The following PCDH11X variants were observed in gnomAD, a reference collection of about 807,000 sequenced individuals.
PCDH11X encodes the protein protocadherin 11 X-linked.
PCDH11X carries 18 observed loss-of-function variants against 53.3 expected under a neutral mutation model. The ratio of observed to expected loss-of-function variants is 0.34; its 90% CI spans 0.23 to 0.50. The LOEUF is 0.50. PCDH11X is among the 20% of genes least tolerant of loss of function. The pLI, the probability that PCDH11X is intolerant of heterozygous loss-of-function variation, is 0.98. For missense variants in PCDH11X, 570 were observed against 1,032.4 expected, an observed-to-expected ratio of 0.55 and a Z score of 6.14; for synonymous variants, 279 against 393.3, an observed-to-expected ratio of 0.71 and a Z score of 3.44.
intron 1 of PCDH11X, among the ~76,000 whole-genome samples, chrX:91,789,120 T>C (rs1935436295): frequency 1.0e-5 from 1 of 98,072 alleles, no homozygotes; most frequent in African/African-American, 3.9e-5. Flanking sequence ...GAGAATCCCT[T>C]GAACCCGCGA....
chrX:92,151,765 C>G (rs2065439694), intron 6 of PCDH11X, among the ~76,000 whole-genome samples: 1 of 111,029 alleles, frequency 9.0e-6, no homozygotes, highest in Admixed American at 9.6e-5. Flanking sequence ...TCATTATGAA[C>G]AAAGCTTAGA....
At chrX:92,411,096 T>C (rs1456428159) in intron 9 of PCDH11X, among the ~76,000 whole-genome samples, 1 of 107,965 alleles carries the variant, frequency 9.3e-6, no homozygotes, top group Non-Finnish European at 1.9e-5. Flanking sequence ...TTGTTTTGTA[T>C]CACCAGTTTT....
chrX:91,884,990 T>C (rs1940130371), intron 6 of PCDH11X, among the ~76,000 whole-genome samples: 2 of 109,742 alleles, frequency 1.8e-5, no homozygotes, highest in Non-Finnish European at 3.8e-5. Flanking sequence ...ATTTAATATA[T>C]AGGTAATATT....
At chrX:92,290,515 T>C (rs1603256991) in intron 8 of PCDH11X, among the ~76,000 whole-genome samples, 2 of 112,542 alleles carry the variant, frequency 1.8e-5, no homozygotes, top group East Asian at 5.6e-4. Context: ...TAGAAACATA[T>C]CAGCGTGTTG....
chrX:92,408,510 C>T (rs1477256566), intron 9 of PCDH11X, among the ~76,000 whole-genome samples: 1 of 110,215 alleles, frequency 9.1e-6, no homozygotes, highest in Non-Finnish European at 1.9e-5. Flanking sequence ...TACTGGAATG[C>T]GTGTAATAAA....
At chrX:91,819,328 ATTAG>A (rs1245301869) in intron 4 of PCDH11X, among the ~76,000 whole-genome samples, 3 of 109,536 alleles carry the variant, frequency 2.7e-5, no homozygotes, top group South Asian at 4.0e-4. Context: ...AACATGTAGG[ATTAG>A]TTAAATTAAT....
intron 9 of PCDH11X, among the ~76,000 whole-genome samples, chrX:92,414,610 C>T (rs1277460187): frequency 9.3e-6 from 1 of 107,321 alleles, no homozygotes; most frequent in Non-Finnish European, 1.9e-5. Context: ...CTTATGTGAT[C>T]CTGACACAAA....
chrX:91,982,224 A>C (rs900601333), intron 6 of PCDH11X, among the ~76,000 whole-genome samples: 1 of 109,223 alleles, frequency 9.2e-6, no homozygotes, highest in Non-Finnish European at 1.9e-5. Context: ...GCTCTGTCTA[A>C]AAGAGTCCCA....
intron 6 of PCDH11X, among the ~76,000 whole-genome samples, chrX:91,946,189 G>A (rs1216169888): frequency 3.7e-5 from 4 of 109,036 alleles, no homozygotes; most frequent in Non-Finnish European, 7.7e-5. Context: ...CCATTTTACA[G>A]ATAAGGAAGA....
At chrX:92,475,553 C>T (rs1395360259) in intron 10 of PCDH11X, among the ~76,000 whole-genome samples, 2 of 111,928 alleles carry the variant, frequency 1.8e-5, no homozygotes, top group African/African-American at 6.5e-5. Context: ...TGTATTGGTG[C>T]TCCATTGTAT....
chrX:92,342,352 T>G (rs1256574921), intron 8 of PCDH11X, among the ~76,000 whole-genome samples: 1 of 108,680 alleles, frequency 9.2e-6, no homozygotes, highest in Non-Finnish European at 1.9e-5. Flanking sequence ...CATTACTGAG[T>G]ATAGACCCAA....
At chrX:92,308,364 G>T (rs1256720107) in intron 8 of PCDH11X, among the ~76,000 whole-genome samples, 1 of 111,400 alleles carries the variant, frequency 9.0e-6, no homozygotes, top group Non-Finnish European at 1.9e-5. Flanking sequence ...ATGGTTAAAT[G>T]ATTTTCGCCA....
At chrX:92,416,598 G>C (rs886328814) in intron 9 of PCDH11X, among the ~76,000 whole-genome samples, 1 of 110,194 alleles carries the variant, frequency 9.1e-6, no homozygotes, top group Non-Finnish European at 1.9e-5. Context: ...AATAACTAGA[G>C]AAGTGGAGTT....
intron 8 of PCDH11X, among the ~76,000 whole-genome samples, chrX:92,341,233 C>A (rs915668985): frequency 2.2e-4 from 24 of 111,614 alleles, no homozygotes; most frequent in Non-Finnish European, 3.9e-4. Context: ...GCATTTTGAT[C>A]AGAACTATTT....
chrX:91,997,412 A>C (rs2062438555), intron 6 of PCDH11X, among the ~76,000 whole-genome samples: 1 of 111,558 alleles, frequency 9.0e-6, no homozygotes, highest in African/African-American at 3.3e-5. Flanking sequence ...TAATTTATTG[A>C]AAGTTTTTAA....
At chrX:91,930,696 A>T in intron 6 of PCDH11X, among the ~76,000 whole-genome samples, 1 of 104,792 alleles carries the variant, frequency 9.5e-6, no homozygotes, top group Non-Finnish European at 2.0e-5. Context: ...CACAAGCAGT[A>T]GCACATTTAG....
At chrX:92,164,531 G>A (rs2065698605) in intron 6 of PCDH11X, among the ~76,000 whole-genome samples, 1 of 112,106 alleles carries the variant, frequency 8.9e-6, no homozygotes, top group Admixed American at 9.5e-5. Context: ...GAAGTAAAGT[G>A]TGCACATACA....
intron 1 of PCDH11X, among the ~76,000 whole-genome samples, chrX:91,788,421 A>T (rs760475662): frequency 4.5e-4 from 51 of 112,438 alleles, no homozygotes; most frequent in South Asian, 1.5e-3. Flanking sequence ...TATTTTTTTT[A>T]AAAAATGACT....
At chrX:92,535,911 T>G (rs1036764539) in intron 10 of PCDH11X, among the ~76,000 whole-genome samples, 32 of 108,400 alleles carry the variant, frequency 3.0e-4, no homozygotes, top group Non-Finnish European at 4.2e-4. Context: ...TGCATAAGCT[T>G]GGTGAATAAA....
Sources: gnomAD v4.1 joint callset for allele counts (sites outside exome capture counted in the v4.1 genomes callset) on GRCh38, gnomAD v4.1.1 for gene constraint, MANE v1.5 for transcripts, NCBI Gene and HGNC (gene_info 2026-07-23, HGNC 2026-07-21) for gene names.